The following C4orf17 variants were observed in gnomAD, a reference collection of about 807,000 sequenced individuals.
The protein encoded by C4orf17 is uncharacterized protein C4orf17.
In C4orf17, 25 loss-of-function variants were observed where a neutral mutation model predicts 32.0. The observed-to-expected ratio is 0.78, with a 90% CI of 0.57 to 1.09. The LOEUF is 1.09. C4orf17 is among the 50% of genes least tolerant of loss of function. The probability of loss-of-function intolerance (pLI) is 0.00; values close to 1 mark genes in which losing one functional copy is unlikely to be tolerated. For missense variants in C4orf17, 420 were observed against 420.0 expected (o/e 1.00, Z 0.00); for synonymous variants, 149 against 145.8 (o/e 1.02, Z -0.16).
At chr4:99,540,349 G>T in intron 7 of C4orf17, 63 bp from the exon 8 acceptor site, 2 of 1,166,608 alleles carry the variant, frequency 1.7e-6, no homozygotes, top group Non-Finnish European at 2.6e-6. Flanking sequence ...TGACAGTGTA[G>T]TCTATAGAAA....
chr4:99,520,698 T>C (rs768674529), intron 2 of C4orf17, among the ~76,000 whole-genome samples: 3 of 152,220 alleles, frequency 2.0e-5, no homozygotes, highest in Non-Finnish European at 4.4e-5. Flanking sequence ...CTTAGAAATC[T>C]AGCAAATTTT....
At chr4:99,532,324 G>T (rs961192534) in intron 5 of C4orf17, among the ~76,000 whole-genome samples, 11 of 152,056 alleles carry the variant, frequency 7.2e-5, no homozygotes, top group Admixed American at 3.9e-4. Context: ...TGATGAATTG[G>T]ATAAAGAAAA....
chr4:99,538,559 G>A (rs1723596162), intron 6 of C4orf17, among the ~76,000 whole-genome samples: 1 of 152,220 alleles, frequency 6.6e-6, no homozygotes. Flanking sequence ...AGGCAATTGA[G>A]AAGTGTTTAG....
In C4orf17 at chr4:99,534,925, A is replaced by T. The variant is rs183504117; in HGVS notation, c.547-2744A>T. On this transcript the variant is annotated intron_variant, in intron 5 of 8. Coordinates refer to ENST00000326581, the MANE Select transcript of C4orf17 (RefSeq NM_032149.3). ...TTAGTGCTTCCTTCAGGAGCAAGGC[A>T]GGCCTGGTGGTGACAATTCCCTCGG... 1.3e-4 allele frequency among the ~76,000 whole-genome samples: 20 copies of T among 152,290 alleles called. No homozygotes were observed. The East Asian group carries it at 2.5e-3, about 19-fold the overall frequency.
At chr4:99,540,672 C>T in intron 8 of C4orf17, 1 of 455,612 alleles carries the variant, frequency 2.2e-6, no homozygotes, top group East Asian at 3.6e-5. Context: ...TGGACAGACA[C>T]TCTTTGAGAA....
At chr4:99,524,014 C>G (rs1213688347) in intron 3 of C4orf17, among the ~76,000 whole-genome samples, 2 of 127,542 alleles carry the variant, frequency 1.6e-5, no homozygotes, top group Non-Finnish European at 3.1e-5. Context: ...GAGTCTTGCT[C>G]TGTCGCCCAG....
chr4:99,539,476 T>G, intron 7 of C4orf17, 106 bp downstream of exon 7: 1 of 843,498 alleles, frequency 1.2e-6, no homozygotes, highest in Non-Finnish European at 1.9e-6. Context: ...GTTCTAAAGC[T>G]CCGCTTTATT....
At chr4:99,523,755 T>C (rs979893066) in intron 3 of C4orf17, among the ~76,000 whole-genome samples, 19 of 152,206 alleles carry the variant, frequency 1.2e-4, no homozygotes, top group African/African-American at 4.1e-4. Context: ...TTAAGTGGTT[T>C]TAGGGCAGCT....
intron 3 of C4orf17, among the ~76,000 whole-genome samples, chr4:99,522,967 A>G (rs143811732): frequency 6.6e-6 from 1 of 152,322 alleles, no homozygotes; most frequent in African/African-American, 2.4e-5. Flanking sequence ...TAATCCCTAC[A>G]AAACTAGCTA....
intron 5 of C4orf17, among the ~76,000 whole-genome samples, chr4:99,530,910 T>C (rs894353990): frequency 5.9e-5 from 9 of 152,126 alleles, no homozygotes; most frequent in Admixed American, 3.3e-4. Flanking sequence ...AGAACCACTG[T>C]TTCACCTGCT....
chr4:99,529,209 A>G (rs912989486), intron 4 of C4orf17, among the ~76,000 whole-genome samples: 2 of 152,220 alleles, frequency 1.3e-5, no homozygotes, highest in African/African-American at 4.8e-5. Flanking sequence ...GAACAGGCCC[A>G]TGGATCTAAG....
At chr4:99,518,544 T>TATATATAGAG (rs1393245676) in intron 2 of C4orf17, among the ~76,000 whole-genome samples, 10 of 36,812 alleles carry the variant, frequency 2.7e-4, no homozygotes, top group African/African-American at 5.2e-4. Context: ...TATATATATA[T>TATATATAGAG]AGAGAGAGAG....
intron 6 of C4orf17, 122 bp from the exon 7 acceptor site, chr4:99,539,041 G>A (rs1198288313): frequency 3.3e-6 from 3 of 902,232 alleles, no homozygotes; most frequent in Non-Finnish European, 5.2e-6. Context: ...TCCCACATAG[G>A]TAACTATCCA....
chr4:99,517,776 T>G (rs577341774), intron 2 of C4orf17, among the ~76,000 whole-genome samples: 1 of 152,290 alleles, frequency 6.6e-6, no homozygotes, highest in Non-Finnish European at 1.5e-5. Flanking sequence ...ATACCCTCTA[T>G]AGACCAAATA....
chr4:99,536,361 C>T (rs550055976), intron 5 of C4orf17, among the ~76,000 whole-genome samples: 1 of 152,312 alleles, frequency 6.6e-6, no homozygotes, highest in South Asian at 2.1e-4. Flanking sequence ...AGCTGCCTCT[C>T]CCCCAAGGGG....
chr4:99,538,810 AT>A (rs1343145304), intron 6 of C4orf17, among the ~76,000 whole-genome samples: 1 of 152,168 alleles, frequency 6.6e-6, no homozygotes, highest in Non-Finnish European at 1.5e-5. Context: ...ATTAGTCTGT[AT>A]TTTAATGGAA....
rs1381153073 is a variant in C4orf17, at chr4:99,511,040, G to A, written c.-326G>A. On this transcript the variant is annotated 5_prime_UTR_variant, in exon 1 of 9. Coordinates refer to ENST00000326581, the MANE Select transcript of C4orf17 (RefSeq NM_032149.3). Reference sequence around the variant, plus strand: ...CTATGTAACATATCTTAACAACCAGGGAGCCACACAGGCTCCTTGGAGTAA... The same window carrying A: ...CTATGTAACATATCTTAACAACCAGAGAGCCACACAGGCTCCTTGGAGTAA... The A allele has an allele frequency of 1.3e-5, 2 of 152,182 alleles. No homozygotes were observed. The highest frequency in any genetic ancestry group is 1.9e-4 in the East Asian group (1 of 5,164). 9.4% of individuals were successfully genotyped at this position (152,182 alleles called of 1,614,324 possible).
chr4:99,536,535 G>C (rs1215165012), intron 5 of C4orf17, among the ~76,000 whole-genome samples: 3 of 152,164 alleles, frequency 2.0e-5, no homozygotes, highest in Non-Finnish European at 4.4e-5. Flanking sequence ...TGTTGTGGCG[G>C]ACTCCTCCTT....
intron 1 of C4orf17, 90 bp from the exon 2 acceptor site, chr4:99,512,899 T>C: frequency 1.6e-6 from 1 of 624,452 alleles, no homozygotes; most frequent in Non-Finnish European, 2.7e-6. Flanking sequence ...AGAAACAATT[T>C]AGTTCAAGCA....
Sources: gnomAD v4.1 joint callset for allele counts (sites outside exome capture counted in the v4.1 genomes callset) on GRCh38, gnomAD v4.1.1 for gene constraint, MANE v1.5 for transcripts, NCBI Gene and HGNC (gene_info 2026-07-23, HGNC 2026-07-21) for gene names.